KDR: variants seen among roughly 807,000 people sequenced by gnomAD.
KDR encodes kinase insert domain receptor, also known as vascular endothelial growth factor receptor 2.
A neutral mutation model predicts 160.9 loss-of-function variants in KDR; 43 were observed. That is an observed-to-expected ratio of 0.27 (90% confidence interval 0.21 to 0.34). The LOEUF is 0.34. KDR is among the 10% of genes least tolerant of loss of function. KDR has a pLI of 1.00. For missense variants in KDR, 1,469 were observed against 1,666.4 expected (o/e 0.88, Z 2.06); for synonymous variants, 617 against 600.1 (o/e 1.03, Z -0.41).
intron 1 of KDR, among the ~76,000 whole-genome samples, chr4:55,123,456 C>G (rs944311656): frequency 6.6e-6 from 1 of 152,130 alleles, no homozygotes; most frequent in Non-Finnish European, 1.5e-5. Context: ...TCCTGTGTAA[C>G]AAATATTTTA....
chr4:55,119,343 T>A (rs763737440), intron 2 of KDR, among the ~76,000 whole-genome samples: 4 of 152,190 alleles, frequency 2.6e-5, no homozygotes, highest in Non-Finnish European at 4.4e-5. Context: ...TCAACAAATA[T>A]CTATTAAGCA....
At chr4:55,113,822 T>A (rs1172198431) in intron 6 of KDR, among the ~76,000 whole-genome samples, 3 of 152,130 alleles carry the variant, frequency 2.0e-5, no homozygotes, top group Admixed American at 6.6e-5. Context: ...ATCAAAAACT[T>A]TGGAGAACAG....
intron 15 of KDR, among the ~76,000 whole-genome samples, chr4:55,100,060 C>T (rs142096891): frequency 6.6e-6 from 1 of 152,212 alleles, no homozygotes; most frequent in Non-Finnish European, 1.5e-5. Context: ...GAGTGATTAG[C>T]AAAGAGATGA....
intron 7 of KDR, 132 bp from the exon 8 acceptor site, chr4:55,110,900 CT>C (rs1720565429): frequency 1.4e-5 from 10 of 711,218 alleles, no homozygotes; most frequent in Non-Finnish European, 2.4e-5. Flanking sequence ...CCTGTACTAT[CT>C]TTCAGTGGGT....
At chr4:55,121,897 T>C (rs894650969) in intron 1 of KDR, among the ~76,000 whole-genome samples, 14 of 147,716 alleles carry the variant, frequency 9.5e-5, no homozygotes, top group African/African-American at 3.3e-4. Context: ...CTGTCTACTG[T>C]AATTCATTAG....
At chr4:55,120,430 G>A (rs76937840) in intron 2 of KDR, among the ~76,000 whole-genome samples, 6 of 152,088 alleles carry the variant, frequency 3.9e-5, no homozygotes, top group Admixed American at 3.3e-4. Flanking sequence ...AAATTTAAAG[G>A]CCTCTTCTTC....
chr4:55,116,912 G>A (rs549396287), intron 3 of KDR, among the ~76,000 whole-genome samples: 3 of 152,216 alleles, frequency 2.0e-5, no homozygotes, highest in African/African-American at 7.2e-5. Context: ...TTAACTTCAT[G>A]GCCAAAATCT....
At chr4:55,105,303 A>C (rs146547476) in intron 12 of KDR, among the ~76,000 whole-genome samples, 29 of 152,360 alleles carry the variant, frequency 1.9e-4, no homozygotes, top group Admixed American at 1.8e-3. Context: ...TTAGGTCTTC[A>C]TTAACACTAA....
At chr4:55,098,551 A>C in intron 16 of KDR, 146 bp downstream of exon 16, 1 of 748,736 alleles carries the variant, frequency 1.3e-6, no homozygotes, top group Middle Eastern at 3.2e-4. Flanking sequence ...AGCCAAAAGA[A>C]AGTGGGCAGG....
intron 29 of KDR, 81 bp from the exon 30 acceptor site, chr4:55,080,244 C>T: frequency 8.1e-7 from 1 of 1,240,166 alleles, no homozygotes; most frequent in Non-Finnish European, 1.2e-6. Flanking sequence ...ATTCCCAACT[C>T]CATATGGCTG....
At chr4:55,094,045 CAAAA>C (rs10716295) in intron 21 of KDR, among the ~76,000 whole-genome samples, 1 of 140,092 alleles carries the variant, frequency 7.1e-6, no homozygotes, top group East Asian at 2.0e-4. Flanking sequence ...ACTAAAAATA[CAAAA>C]AAAAAAAAAA....
At chr4:55,100,252 A>G (rs1358614853) in intron 15 of KDR, among the ~76,000 whole-genome samples, 2 of 152,164 alleles carry the variant, frequency 1.3e-5, no homozygotes, top group African/African-American at 4.8e-5. Flanking sequence ...CCATTGAGAG[A>G]CAAGCACAAT....
intron 22 of KDR, among the ~76,000 whole-genome samples, chr4:55,090,889 C>G (rs112100197): frequency 2.2e-4 from 28 of 129,554 alleles, no homozygotes; most frequent in African/African-American, 7.7e-4. Context: ...AGGAATCTCA[C>G]TCTCGCCCAG....
intron 13 of KDR, 118 bp from the exon 14 acceptor site, chr4:55,102,626 C>A: frequency 9.3e-7 from 1 of 1,079,288 alleles, no homozygotes; most frequent in South Asian, 1.3e-5. Context: ...GATATATTAA[C>A]TTCTGGGAAA....
rs557179504 is a variant in KDR at position 55,098,545 on chromosome 4, A to G, written c.2373+152T>C. 2.3e-4 allele frequency: 172 copies of G among 742,948 alleles called. No homozygotes were observed. In the Middle Eastern group the frequency reaches 0.01, roughly 44 times the overall value. 46.0% of individuals were successfully genotyped at this position (742,948 alleles called of 1,614,324 possible). ...TCAATTAAATCCCTGAGATCCAGCC[A>G]AAAGAAAGTGGGCAGGAACGTTATT... On this transcript the variant is annotated intron_variant, in intron 16 of 29. Transcript: ENST00000263923.
Position 55,096,338 on chromosome 4 carries a change from T to G in KDR, c.2619A>C (p.Gly873=). ...RTVAVKMLKE[G]ATHSEHRALM... is the part of the protein sequence containing the mutation. ...GAGCTCGATGCTCACTGTGTGTTGC[T>G]CCTTCTACAAATACAGTACAAAGAG... Residue 873 remains glycine (G), a synonymous_variant, in exon 19 of 30, where the codon GGA becomes GGC. Transcript: ENST00000263923. The G allele has an allele frequency of 1.2e-6, 2 of 1,606,760 alleles. No individual in the cohort carries two copies. Among genetic ancestry groups the G allele is most frequent in the Non-Finnish European group, 1.7e-6 (2 of 1,173,784 alleles).
chr4:55,088,246 G>A (rs756140953), intron 26 of KDR, among the ~76,000 whole-genome samples: 7 of 152,128 alleles, frequency 4.6e-5, no homozygotes, highest in Non-Finnish European at 8.8e-5. Flanking sequence ...TAATATTATT[G>A]CATCAAGAAA....
At chr4:55,099,517 G>A (rs767506852) in intron 15 of KDR, among the ~76,000 whole-genome samples, 2 of 152,180 alleles carry the variant, frequency 1.3e-5, no homozygotes, top group Non-Finnish European at 2.9e-5. Context: ...ATTTCTATTT[G>A]AGGAAAACAA....
intron 7 of KDR, among the ~76,000 whole-genome samples, chr4:55,111,331 T>C (rs1720577713): frequency 6.6e-6 from 1 of 152,212 alleles, no homozygotes; most frequent in Admixed American, 6.5e-5. Flanking sequence ...ACTGTTTCCC[T>C]AAATCTCACT....
Sources: allele counts gnomAD v4.1 joint callset (sites outside exome capture counted in the v4.1 genomes callset), GRCh38; gene constraint gnomAD v4.1.1; transcripts MANE v1.5; gene names NCBI Gene and HGNC (gene_info 2026-07-23, HGNC 2026-07-21).